The following DLGAP2 variants were observed in gnomAD, a reference collection of about 807,000 sequenced individuals.
DLGAP2 encodes the protein DLG associated protein 2.
In DLGAP2, 26 loss-of-function variants were observed where a neutral mutation model predicts 100.3. The ratio of observed to expected loss-of-function variants is 0.26; its 90% CI spans 0.19 to 0.36. The LOEUF (loss-of-function observed/expected upper bound fraction) is 0.36. DLGAP2 is among the 10% of genes least tolerant of loss of function. The pLI, the probability that DLGAP2 is intolerant of heterozygous loss-of-function variation, is 1.00. For missense variants in DLGAP2, 1,858 were observed against 1,453.2 expected, an observed-to-expected ratio of 1.28 and a Z score of -4.53; for synonymous variants, 886 against 630.1, an observed-to-expected ratio of 1.41 and a Z score of -6.08.
At chr8:1,212,561 G>C (rs1354824386) in intron 2 of DLGAP2, among the ~76,000 whole-genome samples, 2 of 152,172 alleles carry the variant, frequency 1.3e-5, no homozygotes, top group Non-Finnish European at 2.9e-5. Context: ...GTAGTGGAGA[G>C]AGAGACGTAT....
chr8:1,228,630 T>C (rs925687063), intron 2 of DLGAP2, among the ~76,000 whole-genome samples: 1 of 152,206 alleles, frequency 6.6e-6, no homozygotes, highest in Non-Finnish European at 1.5e-5. Flanking sequence ...AAGTTTGTTT[T>C]GACATCTGCA....
At position 1,466,999 on chromosome 8, in the gene DLGAP2, G is replaced by A. The variant is rs541458229; in HGVS notation, c.107-34367G>A. Among the ~76,000 whole-genome samples the A allele has an allele frequency of 5.9e-4, 90 of 152,032 alleles. 1 individual carries two copies. The highest frequency in any genetic ancestry group is 2.0e-3 in the African/African-American group (84 of 41,288). On this transcript the variant is annotated intron_variant, in intron 3 of 14. Transcript: ENST00000637795. ...AAGTGGCTGAAAGGCTGAACACTTT[G>A]AAGCTTCAAGAAAGTGGGGGGGATG...
At chr8:1,062,742 G>A (rs1803124720) in intron 2 of DLGAP2, among the ~76,000 whole-genome samples, 1 of 152,160 alleles carries the variant, frequency 6.6e-6, no homozygotes, top group South Asian at 2.1e-4. Context: ...TAGTTGGGGG[G>A]AGACTAGTAT....
intron 1 of DLGAP2, among the ~76,000 whole-genome samples, chr8:802,752 C>T (rs1796196771): frequency 6.6e-6 from 1 of 152,166 alleles, no homozygotes; most frequent in African/African-American, 2.4e-5. Flanking sequence ...CAGACGGTCA[C>T]ACACCACCAT....
At chr8:1,585,658 C>CG (rs1796093812) in intron 6 of DLGAP2, among the ~76,000 whole-genome samples, 1 of 152,206 alleles carries the variant, frequency 6.6e-6, no homozygotes, top group Non-Finnish European at 1.5e-5. Context: ...AGGGAGACAT[C>CG]CCTAGAGATG....
chr8:864,880 A>G (rs1309386208), intron 1 of DLGAP2, among the ~76,000 whole-genome samples: 5 of 152,210 alleles, frequency 3.3e-5, no homozygotes, highest in African/African-American at 7.2e-5. Flanking sequence ...GATAATTATA[A>G]GACAAATTAT....
At chr8:791,654 T>A (rs2132640444) in intron 1 of DLGAP2, among the ~76,000 whole-genome samples, 1 of 152,340 alleles carries the variant, frequency 6.6e-6, no homozygotes, top group Middle Eastern at 3.4e-3. Flanking sequence ...GCCAAATCTT[T>A]GTTTTGATAT....
intron 12 of DLGAP2, among the ~76,000 whole-genome samples, chr8:1,682,250 G>C (rs940986942): frequency 3.9e-5 from 6 of 152,180 alleles, no homozygotes; most frequent in African/African-American, 1.2e-4. Context: ...TGGAAAATAA[G>C]TGGCAGGAGC....
At chr8:1,316,016 G>T (rs1328758483) in intron 3 of DLGAP2, among the ~76,000 whole-genome samples, 3 of 138,722 alleles carry the variant, frequency 2.2e-5, no homozygotes, top group African/African-American at 7.7e-5. Context: ...CTCTCCAACA[G>T]TGGTCTACAC....
chr8:1,137,318 C>G (rs565521012), intron 2 of DLGAP2: 1 of 152,748 alleles, frequency 6.5e-6, no homozygotes, highest in South Asian at 2.1e-4. Flanking sequence ...AAACTATAGT[C>G]CTATTGGACT....
chr8:1,144,751 C>T (rs1225167492), intron 2 of DLGAP2, among the ~76,000 whole-genome samples: 4 of 152,262 alleles, frequency 2.6e-5, no homozygotes, highest in Non-Finnish European at 4.4e-5. Context: ...AAACACACAG[C>T]GCACAGTCAA....
intron 2 of DLGAP2, among the ~76,000 whole-genome samples, chr8:1,163,173 C>G (rs963876922): frequency 5.3e-5 from 8 of 152,214 alleles, no homozygotes; most frequent in Admixed American, 5.2e-4. Context: ...GAAACTAGCG[C>G]CAGTACCGGA....
At chr8:943,715 A>G (rs1161485725) in intron 2 of DLGAP2, among the ~76,000 whole-genome samples, 3 of 151,976 alleles carry the variant, frequency 2.0e-5, no homozygotes, top group Non-Finnish European at 4.4e-5. Flanking sequence ...AGACGTCGTG[A>G]TGTGGCCATC....
At position 882,531 on chromosome 8, in the gene DLGAP2, G is replaced by T. The variant is rs1182452488; in HGVS notation, c.19-25381G>T. 1.1e-4 allele frequency among the ~76,000 whole-genome samples: 8 copies of T among 75,368 alleles called. No individual in the cohort carries two copies. The East Asian group carries it at 1.9e-3, about 18-fold the overall frequency. 49.4% of individuals were successfully genotyped at this position (75,368 alleles called of 152,430 possible). On this transcript the variant is annotated intron_variant, in intron 1 of 14. Coordinates refer to ENST00000637795, the MANE Select transcript of DLGAP2 (RefSeq NM_001346810.2). ...GGAGGCCTCCCCTGCGCGCACCCTC[G>T]CCTGATCCAGCGGTACCTCTCCCTG...
At chr8:1,448,606 C>G (rs1798049439) in intron 3 of DLGAP2, among the ~76,000 whole-genome samples, 1 of 152,182 alleles carries the variant, frequency 6.6e-6, no homozygotes, top group South Asian at 2.1e-4. Flanking sequence ...ATTAGGTCCA[C>G]TTGCTTATGT....
chr8:1,525,466 G>T (rs551482976), intron 4 of DLGAP2, among the ~76,000 whole-genome samples: 6 of 152,292 alleles, frequency 3.9e-5, no homozygotes, highest in South Asian at 2.1e-4. Context: ...CAGAGTCCCA[G>T]TGTACAATCC....
Position 1,206,333 on chromosome 8 carries a change from G to A in DLGAP2, c.74-52518G>A, listed in dbSNP as rs373139084. The stretch of plus-strand genomic sequence containing the variant: ...AGGCATCCGTGGACTGGGGTAGACT[G>A]TGAATGGTTAATCTCCAGCCATCCG... On this transcript the variant is annotated intron_variant, in intron 2 of 14. Coordinates refer to ENST00000637795, the MANE Select transcript of DLGAP2 (RefSeq NM_001346810.2). Among the ~76,000 whole-genome samples, 43 of 117,238 alleles carry A rather than the reference G, an allele frequency of 3.7e-4. 16 individuals carry two copies. The highest frequency in any genetic ancestry group is 1.3e-3 in the African/African-American group (34 of 25,636). 76.9% of individuals were successfully genotyped at this position (117,238 alleles called of 152,430 possible). A position where few individuals can be genotyped will look rare whatever the true frequency, so the allele number is the denominator to read the frequency against.
intron 12 of DLGAP2, among the ~76,000 whole-genome samples, chr8:1,682,221 G>A (rs1372515443): frequency 2.0e-5 from 3 of 152,154 alleles, no homozygotes; most frequent in Admixed American, 6.5e-5. Flanking sequence ...AGAGGCCAAG[G>A]TTCTCCCGCG....
chr8:1,397,880 G>GT (rs1473116079), intron 3 of DLGAP2, among the ~76,000 whole-genome samples: 3 of 1,268 alleles, frequency 2.4e-3, no homozygotes, highest in African/African-American at 3.4e-3. Flanking sequence ...TGACGTTTCT[G>GT]TTTTTTTTTT....
Sources: gnomAD v4.1 joint callset for allele counts (sites outside exome capture counted in the v4.1 genomes callset) on GRCh38, gnomAD v4.1.1 for gene constraint, MANE v1.5 for transcripts, NCBI Gene and HGNC (gene_info 2026-07-23, HGNC 2026-07-21) for gene names.